KCNH1: variants seen among roughly 807,000 people sequenced by gnomAD.
The protein encoded by KCNH1 is voltage-gated delayed rectifier potassium channel KCNH1.
A neutral mutation model predicts 69.2 loss-of-function variants in KCNH1; 27 were observed. That is an observed-to-expected ratio of 0.39 (90% confidence interval 0.29 to 0.54). The LOEUF (loss-of-function observed/expected upper bound fraction) is 0.54. Among genes scored for constraint, KCNH1 ranks in the 20% least tolerant of loss-of-function variants. The probability of loss-of-function intolerance (pLI) is 0.68; values close to 1 mark genes in which losing one functional copy is unlikely to be tolerated. For synonymous variants in KCNH1, 456 were observed against 487.7 expected (o/e 0.93, Z 0.86); for missense variants, 798 against 1,261.6 (o/e 0.63, Z 5.57).
intron 10 of KCNH1, among the ~76,000 whole-genome samples, chr1:210,739,889 T>C (rs1227048774): frequency 6.6e-6 from 1 of 152,250 alleles, no homozygotes; most frequent in African/African-American, 2.4e-5. Flanking sequence ...AATTCAGGAC[T>C]CTAGGGCCTA....
chr1:210,808,270 T>C (rs1684628492), intron 7 of KCNH1, among the ~76,000 whole-genome samples: 1 of 152,130 alleles, frequency 6.6e-6, no homozygotes, highest in South Asian at 2.1e-4. Flanking sequence ...TCCCAGAAAA[T>C]TAATTTAATC....
intron 7 of KCNH1, chr1:210,858,991 C>A: frequency 5.2e-5 from 19 of 364,186 alleles, no homozygotes; most frequent in Middle Eastern, 8.6e-4. Context: ...CCACTGGTTT[C>A]TTTTCCAGTG....
chr1:211,080,353 T>C (rs1194146041), intron 5 of KCNH1, among the ~76,000 whole-genome samples: 3 of 152,214 alleles, frequency 2.0e-5, no homozygotes, highest in Non-Finnish European at 4.4e-5. Context: ...TCCATCCTCA[T>C]GGATAGGAAG....
chr1:210,739,871 C>T (rs1207128404), intron 10 of KCNH1, among the ~76,000 whole-genome samples: 1 of 152,120 alleles, frequency 6.6e-6, no homozygotes, highest in Non-Finnish European at 1.5e-5. Flanking sequence ...ACAACACAAA[C>T]CCAGTTGAAT....
chr1:211,003,816 T>C (rs1432298862), intron 6 of KCNH1, among the ~76,000 whole-genome samples: 1 of 152,096 alleles, frequency 6.6e-6, no homozygotes, highest in Non-Finnish European at 1.5e-5. Context: ...AGAAAATAAT[T>C]AGCAATTGGC....
intron 9 of KCNH1, among the ~76,000 whole-genome samples, chr1:210,777,622 G>A (rs1005991820): frequency 6.6e-6 from 1 of 152,138 alleles, no homozygotes; most frequent in African/African-American, 2.4e-5. Context: ...CAATTCATTT[G>A]TAAATATTAT....
intron 6 of KCNH1, among the ~76,000 whole-genome samples, chr1:210,997,355 C>A (rs186130178): frequency 6.6e-6 from 1 of 152,052 alleles, no homozygotes; most frequent in African/African-American, 2.4e-5. Context: ...TCCAGAACTA[C>A]GTGAAGAATG....
chr1:210,742,802 A>G (rs1475832033), intron 10 of KCNH1, among the ~76,000 whole-genome samples: 1 of 152,128 alleles, frequency 6.6e-6, no homozygotes, highest in Non-Finnish European at 1.5e-5. Flanking sequence ...TGCCTGAGAC[A>G]TGCAAGTTAC....
chr1:210,998,461 A>G (rs1689097864), intron 6 of KCNH1, among the ~76,000 whole-genome samples: 1 of 152,216 alleles, frequency 6.6e-6, no homozygotes, highest in Non-Finnish European at 1.5e-5. Context: ...AGAAGAGCTA[A>G]CTATCCTAAA....
intron 7 of KCNH1, among the ~76,000 whole-genome samples, chr1:210,825,813 G>T (rs1401465384): frequency 6.6e-6 from 1 of 152,150 alleles, no homozygotes; most frequent in African/African-American, 2.4e-5. Flanking sequence ...AACTCACATG[G>T]TGTTCATGCA....
At chr1:210,817,811 C>CA (rs984546019) in intron 7 of KCNH1, among the ~76,000 whole-genome samples, 61 of 152,170 alleles carry the variant, frequency 4.0e-4, no homozygotes, top group African/African-American at 1.4e-3. Context: ...AGTTTGGATA[C>CA]AAAATCTATG....
rs560047730 is a variant in KCNH1, at chr1:211,129,053, G to A, written c.79+4814C>T. On this transcript the variant is annotated intron_variant, in intron 1 of 10. Coordinates refer to ENST00000271751, the MANE Select transcript of KCNH1 (RefSeq NM_172362.3). The stretch of plus-strand genomic sequence containing the variant: ...GGAGGGAGGTTCTGGAGAGGATTCA[G>A]TGGAACAGTGGAAAATGAATTGTAT... 7.9e-5 allele frequency among the ~76,000 whole-genome samples: 12 copies of A among 152,332 alleles called. No homozygotes were observed. The South Asian group carries it at 2.3e-3, about 29-fold the overall frequency.
chr1:211,010,949 G>C (rs1689379795), intron 6 of KCNH1, among the ~76,000 whole-genome samples: 1 of 152,058 alleles, frequency 6.6e-6, no homozygotes, highest in Admixed American at 6.5e-5. Flanking sequence ...CACAGCAGCT[G>C]AGTGAGTGTA....
At chr1:210,947,834 T>C (rs1244899394) in intron 6 of KCNH1, among the ~76,000 whole-genome samples, 1 of 152,194 alleles carries the variant, frequency 6.6e-6, no homozygotes. Flanking sequence ...TGTGTGATCT[T>C]GAGCATATCA....
intron 10 of KCNH1, among the ~76,000 whole-genome samples, chr1:210,770,116 C>A (rs554283052): frequency 3.4e-4 from 52 of 152,188 alleles, no homozygotes; most frequent in African/African-American, 1.2e-3. Flanking sequence ...AAACCAAACA[C>A]CACATGTTCT....
At chr1:210,762,439 T>C (rs538144210) in intron 10 of KCNH1, among the ~76,000 whole-genome samples, 2 of 152,090 alleles carry the variant, frequency 1.3e-5, no homozygotes, top group African/African-American at 4.8e-5. Context: ...AAACAGAAGG[T>C]TGGTTCTTCG....
chr1:211,083,771 A>AT (rs985961879), intron 4 of KCNH1, among the ~76,000 whole-genome samples: 8 of 152,310 alleles, frequency 5.3e-5, no homozygotes, highest in Admixed American at 1.3e-4. Flanking sequence ...AGATGATTTT[A>AT]TTTTTTTATA....
chr1:210,909,281 T>C (rs1039757910), intron 7 of KCNH1, among the ~76,000 whole-genome samples: 1 of 152,208 alleles, frequency 6.6e-6, no homozygotes, highest in East Asian at 1.9e-4. Flanking sequence ...CTGTCCCTAT[T>C]CTCTGTTACC....
chr1:210,956,536 G>GT (rs770358496), intron 6 of KCNH1, among the ~76,000 whole-genome samples: 14,827 of 122,198 alleles, frequency 0.12, 1,179 homozygotes, highest in African/African-American at 0.22. Flanking sequence ...TGGTCCTGGA[G>GT]TTTTTTTTTT....
Sources: allele counts gnomAD v4.1 joint callset (sites outside exome capture counted in the v4.1 genomes callset), GRCh38; gene constraint gnomAD v4.1.1; transcripts MANE v1.5; gene names NCBI Gene and HGNC (gene_info 2026-07-23, HGNC 2026-07-21).